Variants in CHL1 observed in about 807,000 individuals in gnomAD.
CHL1 encodes cell adhesion molecule L1 like.
Under a neutral mutation model 141.9 loss-of-function variants are expected in CHL1, and 96 were observed. That is an observed-to-expected ratio of 0.68 (90% CI 0.57 to 0.80). The LOEUF is 0.80. Ranked by LOEUF, CHL1 falls within the 30% of genes least tolerant of loss-of-function variation. CHL1 has a pLI of 0.00. For missense variants in CHL1, 1,820 were observed against 1,457.2 expected, an observed-to-expected ratio of 1.25 and a Z score of -4.05; for synonymous variants, 613 against 502.2, an observed-to-expected ratio of 1.22 and a Z score of -2.95.
rs78738896 is a variant in CHL1 at position 313,452 on chromosome 3, T to C, written c.-94-6231T>C. Among the ~76,000 whole-genome samples the C allele has an allele frequency of 6.7e-3, 1,021 of 152,292 alleles. 13 individuals are homozygous for C. The highest frequency in any genetic ancestry group is 0.023 in the African/African-American group (966 of 41,554). On this transcript the variant is annotated intron_variant, in intron 2 of 27. Coordinates refer to ENST00000256509, the MANE Select transcript of CHL1 (RefSeq NM_006614.4). ...TTAAATTCCAGCATATAAATTTGAA[T>C]AATGTTATTTGCAAAAGGGAAAATC...
At chr3:237,856 A>T (rs779896912) in intron 1 of CHL1, among the ~76,000 whole-genome samples, 136 of 152,234 alleles carry the variant, frequency 8.9e-4, no homozygotes, top group Non-Finnish European at 1.2e-3. Context: ...TTAGTAAAGA[A>T]ATGGTAAAAC....
intron 7 of CHL1, 125 bp from the exon 8 acceptor site, chr3:342,859 C>G: frequency 3.2e-6 from 2 of 631,830 alleles, no homozygotes; most frequent in Non-Finnish European, 2.7e-6. Flanking sequence ...AGGCAATGTT[C>G]TAGTGAAGCA....
intron 2 of CHL1, among the ~76,000 whole-genome samples, chr3:293,799 GAGA>G (rs907594214): frequency 6.8e-6 from 1 of 147,850 alleles, no homozygotes; most frequent in Non-Finnish European, 1.5e-5. Flanking sequence ...GGAAAGGCTG[GAGA>G]AGATTTTTTT....
chr3:330,246 A>C (rs910911472), intron 5 of CHL1, among the ~76,000 whole-genome samples: 4 of 152,168 alleles, frequency 2.6e-5, no homozygotes, highest in African/African-American at 9.6e-5. Flanking sequence ...TCTTAGGTCA[A>C]GTACCAAATG....
chr3:223,026 A>T (rs1246172191), intron 1 of CHL1, among the ~76,000 whole-genome samples: 1 of 152,136 alleles, frequency 6.6e-6, no homozygotes, highest in Non-Finnish European at 1.5e-5. Context: ...ACATTGGCCC[A>T]CCCACATAAT....
intron 2 of CHL1, among the ~76,000 whole-genome samples, chr3:300,043 T>C: frequency 6.6e-6 from 1 of 152,176 alleles, no homozygotes; most frequent in Non-Finnish European, 1.5e-5. Context: ...TACCAATTGA[T>C]GGAAAATGGC....
rs1216182318 is a variant in CHL1 at position 389,388 on chromosome 3, C to A, written c.2384C>A (p.Ala795Asp). Residue 795 changes from alanine (A) to aspartate (D), a missense_variant, in exon 20 of 28, where the codon GCC becomes GAC. Physicochemically the swap from Ala to Asp is moderately radical, Grantham distance 126 (BLOSUM62 -2). Coordinates refer to ENST00000256509, the MANE Select transcript of CHL1 (RefSeq NM_006614.4). Reference sequence around the variant, plus strand: ...CGGGTGATGACGCCTGCTGTCTATGCCCCTTATGATGTCAAGGTCCAGGCT... The same window carrying A: ...CGGGTGATGACGCCTGCTGTCTATGACCCTTATGATGTCAAGGTCCAGGCT... ...TLRVMTPAVY[A>D]PYDVKVQAIN... 2.5e-6 allele frequency: 4 copies of A among 1,614,118 alleles called. No individual in the cohort carries two copies. The highest frequency in any genetic ancestry group is 2.2e-5 in the South Asian group (2 of 91,080).
chr3:376,570 C>G (rs1222188266), intron 15 of CHL1, among the ~76,000 whole-genome samples: 2 of 152,218 alleles, frequency 1.3e-5, no homozygotes, highest in Non-Finnish European at 2.9e-5. Context: ...GCTTTCTTCT[C>G]TGGCCTGAAA....
At chr3:256,125 T>G (rs913383556) in intron 2 of CHL1, among the ~76,000 whole-genome samples, 14 of 152,228 alleles carry the variant, frequency 9.2e-5, no homozygotes, top group African/African-American at 3.4e-4. Context: ...CTAAGCGAAG[T>G]AAGGAGGTTT....
At chr3:272,664 G>A (rs1000430013) in intron 2 of CHL1, among the ~76,000 whole-genome samples, 1 of 152,184 alleles carries the variant, frequency 6.6e-6, no homozygotes, top group African/African-American at 2.4e-5. Flanking sequence ...TAAGTTACAG[G>A]ATTAGGGAAG....
At chr3:368,065 T>C (rs1363592711) in intron 15 of CHL1, among the ~76,000 whole-genome samples, 1 of 152,236 alleles carries the variant, frequency 6.6e-6, no homozygotes, top group East Asian at 1.9e-4. Flanking sequence ...CATATATGTG[T>C]ATGTGTCTTT....
intron 2 of CHL1, among the ~76,000 whole-genome samples, chr3:315,099 G>A (rs1700061298): frequency 6.6e-6 from 1 of 152,108 alleles, no homozygotes; most frequent in Non-Finnish European, 1.5e-5. Flanking sequence ...ATTAGTAGGA[G>A]GGACTATATC....
At chr3:306,908 G>T (rs1699283048) in intron 2 of CHL1, among the ~76,000 whole-genome samples, 1 of 152,084 alleles carries the variant, frequency 6.6e-6, no homozygotes, top group African/African-American at 2.4e-5. Context: ...AGTGCCTTTT[G>T]ATGAGCAAAG....
intron 6 of CHL1, among the ~76,000 whole-genome samples, chr3:341,586 C>T (rs899044541): frequency 6.6e-6 from 1 of 152,096 alleles, no homozygotes; most frequent in Admixed American, 6.6e-5. Flanking sequence ...TCATTGTCTG[C>T]ATTGATCAGT....
Position 360,344 on chromosome 3 carries a change from C to G in CHL1, c.1226C>G (p.Pro409Arg), listed in dbSNP as rs370077633. 79 of 1,613,570 alleles carry G rather than the reference C, an allele frequency of 4.9e-5. No individual in the cohort carries two copies. Among genetic ancestry groups the G allele is most frequent in the Non-Finnish European group, 6.4e-5 (75 of 1,179,748 alleles). ...GAAATCAGTTTTACCAACCTTCAAC[C>G]AAATCATACTGCTGTGTACCAGTGT... The part of the protein sequence containing the change: ...PREISFTNLQ[P>R]NHTAVYQCEA... Residue 409 changes from proline to arginine, a missense_variant, in exon 12 of 28, where the codon CCA (proline) becomes CGA (arginine). Physicochemically the swap from Pro to Arg is moderately radical, Grantham distance 103. Transcript: ENST00000256509.
intron 19 of CHL1, among the ~76,000 whole-genome samples, chr3:387,458 G>A (rs1707842390): frequency 6.6e-6 from 1 of 152,148 alleles, no homozygotes; most frequent in Non-Finnish European, 1.5e-5. Flanking sequence ...AAGCATTCAG[G>A]CTGTTTATTT....
At chr3:242,961 A>T (rs1421538026) in intron 1 of CHL1, among the ~76,000 whole-genome samples, 1 of 152,154 alleles carries the variant, frequency 6.6e-6, no homozygotes, top group Non-Finnish European at 1.5e-5. Context: ...CAGTGGTAAG[A>T]AGTGGGGACC....
At chr3:364,398 C>T (rs955717560) in intron 14 of CHL1, among the ~76,000 whole-genome samples, 3 of 152,104 alleles carry the variant, frequency 2.0e-5, no homozygotes, top group Admixed American at 2.0e-4. Flanking sequence ...TGTTTTTATA[C>T]TTCAAAAAGT....
chr3:274,606 C>A (rs1045980525), intron 2 of CHL1, among the ~76,000 whole-genome samples: 1 of 152,158 alleles, frequency 6.6e-6, no homozygotes, highest in Non-Finnish European at 1.5e-5. Flanking sequence ...CTCTAGTGAG[C>A]TGTAGGCTGA....
Sources: gnomAD v4.1 joint callset for allele counts (sites outside exome capture counted in the v4.1 genomes callset) on GRCh38, gnomAD v4.1.1 for gene constraint, MANE v1.5 for transcripts, NCBI Gene and HGNC (gene_info 2026-07-23, HGNC 2026-07-21) for gene names.